Variants in PIEZO2 observed in about 807,000 individuals in gnomAD.
PIEZO2 encodes piezo type mechanosensitive ion channel component 2, also known as piezo-type mechanosensitive ion channel component 2.
In PIEZO2, 172 loss-of-function variants were observed where a neutral mutation model predicts 337.3. The ratio of observed to expected loss-of-function variants is 0.51; its 90% CI spans 0.45 to 0.58. The LOEUF is 0.58. Among genes scored for constraint, PIEZO2 ranks in the 20% least tolerant of loss-of-function variants. The pLI, the probability that PIEZO2 is intolerant of heterozygous loss-of-function variation, is 0.00. For missense variants in PIEZO2, 3,028 were observed against 3,391.3 expected (o/e 0.89, Z 2.66); for synonymous variants, 1,251 against 1,228.5 (o/e 1.02, Z -0.38).
At position 11,127,234 on chromosome 18, in the gene PIEZO2, G is replaced by C. The variant is rs1441009068; in HGVS notation, c.64+21291C>G. ...TCCCTGAGGAGGTGACATTTAGGCT[G>C]AGATATAGGAGGAAACGCTCATCAG... On this transcript the variant is annotated intron_variant, in intron 1 of 55. Transcript: ENST00000674853. The surrounding 1 kb of genome is among the most constrained non-coding windows in gnomAD (Gnocchi z 4.5). Among the ~76,000 whole-genome samples the C allele has an allele frequency of 6.6e-6, 1 of 152,188 alleles. No individual in the cohort carries two copies. Among genetic ancestry groups the C allele is most frequent in the East Asian group, 1.9e-4 (1 of 5,200 alleles).
At chr18:10,840,673 T>G (rs1006695685) in intron 7 of PIEZO2, among the ~76,000 whole-genome samples, 3 of 152,162 alleles carry the variant, frequency 2.0e-5, no homozygotes, top group African/African-American at 7.2e-5. Flanking sequence ...AAATATGTAA[T>G]TGGATAATAC....
chr18:10,687,030 G>A (rs1481205998), intron 49 of PIEZO2, among the ~76,000 whole-genome samples: 2 of 152,086 alleles, frequency 1.3e-5, no homozygotes, highest in Non-Finnish European at 2.9e-5. Context: ...TCAGACCTAC[G>A]CCCTACCTTC....
At position 10,807,232 on chromosome 18, in the gene PIEZO2, A is replaced by T; in HGVS notation, c.960T>A (p.Ser320Arg). 1.3e-6 allele frequency: 2 copies of T among 1,537,284 alleles called. No individual in the cohort carries two copies. Among genetic ancestry groups the T allele is most frequent in the Non-Finnish European group, 1.7e-6 (2 of 1,146,912 alleles). Reference protein sequence around the residue: ...IKSVIQTDCSSTWKIIVNPDL... With the variant: ...IKSVIQTDCSRTWKIIVNPDL... ...CCGGGTTCACTATGATCTTCCAAGTACTTGAACAGTCCGTTTGAATTACTG... is the reference window on the plus strand; with the variant it reads ...CCGGGTTCACTATGATCTTCCAAGTTCTTGAACAGTCCGTTTGAATTACTG... Residue 320 changes from serine to arginine, a missense_variant, in exon 8 of 56, where the codon AGT becomes AGA. Physicochemically the swap from Ser to Arg is moderately radical, Grantham distance 110. Coordinates refer to ENST00000674853, the MANE Select transcript of PIEZO2 (RefSeq NM_001378183.1).
chr18:10,753,615 G>C (rs1049031491), intron 27 of PIEZO2, among the ~76,000 whole-genome samples: 1 of 152,186 alleles, frequency 6.6e-6, no homozygotes, highest in African/African-American at 2.4e-5. Flanking sequence ...TTTTGCTTTG[G>C]TGGTTTCTTT....
chr18:10,799,258 C>A (rs1399552887), intron 11 of PIEZO2, among the ~76,000 whole-genome samples: 1 of 152,200 alleles, frequency 6.6e-6, no homozygotes, highest in Non-Finnish European at 1.5e-5. Context: ...TAATTACATA[C>A]AAATAGAGAT....
At chr18:10,807,056 C>T (rs1425012135) in intron 8 of PIEZO2, 56 bp downstream of exon 8, 3 of 1,455,830 alleles carry the variant, frequency 2.1e-6, no homozygotes, top group South Asian at 1.3e-5. Flanking sequence ...AATCATTTCA[C>T]GTGGAGATTC....
At chr18:10,932,136 T>C (rs264253) in intron 3 of PIEZO2, among the ~76,000 whole-genome samples, 94,136 of 152,152 alleles carry the variant, frequency 0.62, 29,486 homozygotes, top group East Asian at 0.74. Context: ...AACAACAATA[T>C]CATATGACTA....
chr18:11,023,244 T>C (rs1447773011), intron 2 of PIEZO2, among the ~76,000 whole-genome samples: 1 of 152,122 alleles, frequency 6.6e-6, no homozygotes, highest in Non-Finnish European at 1.5e-5. Flanking sequence ...ACCCACAACC[T>C]GCTGATTGCT....
In PIEZO2 at chr18:10,791,355, T is replaced by G. The variant is rs146609966; in HGVS notation, c.1759-31A>C. The G allele has an allele frequency of 1.4e-3, 1,996 of 1,467,840 alleles. 3 individuals carry two copies. Among genetic ancestry groups the G allele is most frequent in the Middle Eastern group, 2.1e-3 (12 of 5,668 alleles). The allele number at this position is 1,467,840 out of a possible 1,614,324, so 90.9% of individuals were successfully genotyped here. ...AGTAGAGAAGCAGCAAAACAAGAAT[T>G]AAGCAACCATTTGGAATGTAAAAAC... On this transcript the variant is annotated intron_variant, in intron 13 of 55. Coordinates refer to ENST00000674853, the MANE Select transcript of PIEZO2 (RefSeq NM_001378183.1).
In PIEZO2 at chr18:10,824,568, C is replaced by T. The variant is rs143246219; in HGVS notation, c.918-17294G>A. On this transcript the variant is annotated intron_variant, in intron 7 of 55. Coordinates refer to ENST00000674853, the MANE Select transcript of PIEZO2 (RefSeq NM_001378183.1). This position sits in a 1 kb window ranked among gnomAD's most constrained non-coding sequence, Gnocchi z 4.4. Reference sequence around the variant, plus strand: ...ACATATATATGTATATTATGGAATACTATGCATCCATTTAAAATAATAAAA... The same window carrying T: ...ACATATATATGTATATTATGGAATATTATGCATCCATTTAAAATAATAAAA... Among the ~76,000 whole-genome samples the T allele has an allele frequency of 1.5e-3, 235 of 152,162 alleles. No homozygotes were observed. The highest frequency in any genetic ancestry group is 0.013 in the East Asian group (68 of 5,180).
chr18:10,737,335 G>T (rs1169056179), intron 33 of PIEZO2, among the ~76,000 whole-genome samples: 3 of 149,984 alleles, frequency 2.0e-5, no homozygotes, highest in Non-Finnish European at 3.0e-5. Context: ...GGATGAAATG[G>T]GCAGGTAACA....
At chr18:10,799,352 T>C (rs931714745) in intron 11 of PIEZO2, among the ~76,000 whole-genome samples, 1 of 152,248 alleles carries the variant, frequency 6.6e-6, no homozygotes, top group African/African-American at 2.4e-5. Context: ...GCAGGGGCAA[T>C]GACAATAGAG....
chr18:10,784,793 G>C lies in PIEZO2; in HGVS notation c.2483C>G (p.Thr828Ser), dbSNP rs775818446. The C allele has an allele frequency of 6.5e-6, 10 of 1,536,516 alleles. No individual in the cohort carries two copies. In the South Asian group the frequency reaches 8.3e-5, roughly 13 times the overall value. Residue 828 changes from threonine (T) to serine (S), a missense_variant, in exon 17 of 56, where the codon ACC becomes AGC. Around this residue, in one of 5 missense-constraint regions of PIEZO2, gnomAD observed 1,925 missense variants for 2,051.9 expected, o/e 0.94. Coordinates refer to ENST00000674853, the MANE Select transcript of PIEZO2 (RefSeq NM_001378183.1). The surrounding 1 kb of genome is among the most constrained non-coding windows in gnomAD (Gnocchi z 4.5). ...TCTTCCAGTGGCTCACCTGTAGATG[G>C]TGTTGTCTTCTTTGCTGGGAATGGA... ...LKSIPSKEDN[T>S]IYSHAKVNGR... is the part of the protein sequence containing the mutation.
chr18:11,098,272 C>T (rs1325711919), intron 1 of PIEZO2, among the ~76,000 whole-genome samples: 1 of 149,566 alleles, frequency 6.7e-6, no homozygotes, highest in African/African-American at 2.5e-5. Flanking sequence ...CACACACACA[C>T]ACGAAAAAAT....
At position 10,791,252 on chromosome 18, in the gene PIEZO2, C is replaced by T. The variant is rs2039401744; in HGVS notation, c.1831G>A (p.Glu611Lys). ...LTEQKALQEK[E>K]ALLSEVKIGS... ...ATTTTGACTTCCGATAAAAGAGCTT[C>T]CTTTTCTTGCAGAGCTTTTTGCTCT... Residue 611 changes from glutamate (E) to lysine (K), a missense_variant, in exon 14 of 56, where the codon GAA becomes AAA. By Grantham distance (56) the Glu-to-Lys change is moderately conservative. This residue lies in a region of PIEZO2 where 1,925 missense variants were observed against 2,051.9 expected (regional missense o/e 0.94). Coordinates refer to ENST00000674853, the MANE Select transcript of PIEZO2 (RefSeq NM_001378183.1). The T allele has an allele frequency of 1.3e-6, 2 of 1,536,194 alleles. No individual in the cohort carries two copies. The highest frequency in any genetic ancestry group is 3.9e-5 in the Admixed American group (2 of 50,884).
At chr18:10,732,944 A>G (rs985917272) in intron 35 of PIEZO2, among the ~76,000 whole-genome samples, 4 of 152,238 alleles carry the variant, frequency 2.6e-5, no homozygotes, top group African/African-American at 9.6e-5. Context: ...AAGTGTTATC[A>G]CAATATTGCT....
chr18:11,083,399 G>A lies in PIEZO2; in HGVS notation c.65-17177C>T, dbSNP rs189494802. Among the ~76,000 whole-genome samples, 79 of 152,306 alleles carry A rather than the reference G, an allele frequency of 5.2e-4. No homozygotes were observed. Among genetic ancestry groups the A allele is most frequent in the African/African-American group, 1.4e-3 (57 of 41,572 alleles). On this transcript the variant is annotated intron_variant, in intron 1 of 55. Transcript: ENST00000674853. This position sits in a 1 kb window ranked among gnomAD's most constrained non-coding sequence, Gnocchi z 4.4. ...TGGATGTTTTCCTTGGTAAATTCTT[G>A]GCGTAGAATGAGAGATCCGAAGGAG...
chr18:11,106,180 G>A lies in PIEZO2; in HGVS notation c.65-39958C>T, dbSNP rs1002972542. Among the ~76,000 whole-genome samples, 12 of 151,852 alleles carry A rather than the reference G, an allele frequency of 7.9e-5. No individual in the cohort carries two copies. In the South Asian group the frequency reaches 1.0e-3, roughly 13 times the overall value. ...GGGCTCACTGCAAGCTCCGCCTCCC[G>A]GGTTCACGTCATTCTCCTGCCTCAG... On this transcript the variant is annotated intron_variant, in intron 1 of 55. Coordinates refer to ENST00000674853, the MANE Select transcript of PIEZO2 (RefSeq NM_001378183.1).
chr18:10,771,165 G>A (rs981688275), intron 20 of PIEZO2, among the ~76,000 whole-genome samples: 9 of 152,172 alleles, frequency 5.9e-5, no homozygotes, highest in African/African-American at 1.4e-4. Flanking sequence ...TGTCTCCTTC[G>A]ACAAGGCTTA....
Sources: gnomAD v4.1 joint callset for allele counts (sites outside exome capture counted in the v4.1 genomes callset) on GRCh38, gnomAD v4.1.1 for gene constraint, gnomAD v4.1.1 regional missense constraint, Gnocchi (gnomAD v3.1) non-coding constraint, MANE v1.5 for transcripts, NCBI Gene and HGNC (gene_info 2026-07-23, HGNC 2026-07-21) for gene names.